Variants in ZNF484 observed in about 807,000 individuals in gnomAD.
ZNF484 encodes the protein zinc finger protein 484.
In ZNF484, 11 loss-of-function variants were observed where a neutral mutation model predicts 12.9. That is an observed-to-expected ratio of 0.85 (90% CI 0.54 to 1.41). The LOEUF is 1.41. ZNF484 is among the 40% of genes most tolerant of loss of function. ZNF484 has a pLI of 0.00. For synonymous variants in ZNF484, 289 were observed against 334.1 expected (o/e 0.86, Z 1.47); for missense variants, 807 against 1,007.7 (o/e 0.80, Z 2.70).
chr9:92,854,666 G>A (rs1564104756), intron 4 of ZNF484, among the ~76,000 whole-genome samples: 1 of 152,140 alleles, frequency 6.6e-6, no homozygotes, highest in East Asian at 1.9e-4. Context: ...GCAGTGAGCT[G>A]AGATCATGCC....
intron 2 of ZNF484, among the ~76,000 whole-genome samples, chr9:92,869,898 A>G (rs1443310722): frequency 6.6e-6 from 1 of 152,258 alleles, no homozygotes; most frequent in East Asian, 1.9e-4. Context: ...TAAAACTTTC[A>G]TGACATTCAA....
intron 2 of ZNF484, among the ~76,000 whole-genome samples, chr9:92,867,002 G>T (rs1388004431): frequency 2.0e-5 from 3 of 152,138 alleles, no homozygotes; most frequent in African/African-American, 4.8e-5. Context: ...GGGGTGGGGG[G>T]ATAAGGGGAG....
At position 92,847,842 on chromosome 9, in the gene ZNF484, C is replaced by T; in HGVS notation, c.945G>A (p.Lys315=). The T allele has an allele frequency of 6.2e-7, 1 of 1,614,142 alleles. No individual in the cohort carries two copies. Among genetic ancestry groups the T allele is most frequent in the Non-Finnish European group, 8.5e-7 (1 of 1,180,020 alleles). ...CTEYEKDFSL[K]SNRQKTPYEG... ...CATAAGGAGTTTTCTGACGGTTTGA[C>T]TTGAGGGAAAAATCCTTCTCATATT... Residue 315 remains lysine, a synonymous_variant, in exon 5 of 5, where the codon AAG becomes AAA. Transcript: ENST00000375495.
Position 92,859,922 on chromosome 9 carries a change from CACTT to C in ZNF484, c.16-3608_16-3605del, listed in dbSNP as rs145070943. 3.3e-3 allele frequency among the ~76,000 whole-genome samples: 497 copies of C among 152,310 alleles called. 1 individual carries two copies. Among genetic ancestry groups the C allele is most frequent in the African/African-American group, 0.011 (466 of 41,574 alleles). ...TCTCCCAGTGGAGTCATATGGACAG[CACTT>C]ACTTCTCCCAGCAATGATGTGTGAT... On this transcript the variant is annotated intron_variant, in intron 2 of 4. Coordinates refer to ENST00000375495, the MANE Select transcript of ZNF484 (RefSeq NM_031486.4).
rs569509325 is a variant in ZNF484 at position 92,856,161 on chromosome 9, C to T, written c.142+31G>A. 4.4e-6 allele frequency: 7 copies of T among 1,608,460 alleles called. No homozygotes were observed. In the Admixed American group the frequency reaches 8.6e-5, roughly 20 times the overall value. ...GAAAAATATACTCAATTAGGTGCAG[C>T]CTACTCTATACCCAGCAGAGCCGTG... On this transcript the variant is annotated intron_variant, in intron 3 of 4. Transcript: ENST00000375495.
chr9:92,844,517 C>A lies in ZNF484; in HGVS notation c.*1711G>T, dbSNP rs1855481861. ...ATGGAAAAATTACACCTAGGCATAT[C>A]AATGTGCAACAGTTAAAAAACAAAG... On this transcript the variant is annotated 3_prime_UTR_variant, in exon 5 of 5. Transcript: ENST00000375495. Among the ~76,000 whole-genome samples the A allele has an allele frequency of 6.6e-6, 1 of 152,092 alleles. No individual in the cohort carries two copies. The highest frequency in any genetic ancestry group is 6.5e-5 in the Admixed American group (1 of 15,272).
chr9:92,864,383 G>C (rs146068278), intron 2 of ZNF484, among the ~76,000 whole-genome samples: 1 of 151,952 alleles, frequency 6.6e-6, no homozygotes, highest in African/African-American at 2.4e-5. Context: ...AGCAAATCTC[G>C]GGAACTATCA....
chr9:92,865,725 A>C (rs1857029448), intron 2 of ZNF484, among the ~76,000 whole-genome samples: 1 of 152,134 alleles, frequency 6.6e-6, no homozygotes, highest in South Asian at 2.1e-4. Context: ...TGCGCAACAT[A>C]GCAAGACGCC....
rs1296995064 is a variant in ZNF484, at chr9:92,846,753, A to G, written c.2034T>C (p.Gly678=). Residue 678 remains glycine (G), a synonymous_variant, in exon 5 of 5, where the codon GGT becomes GGC. Transcript: ENST00000375495. ...TATGGGATTGCTGATGTATATGGAG[A>G]CCTGACTTCCTAGTGAAGGCTTTCC... ...DCGKAFTRKS[G]LHIHQQSHTG... 6.2e-7 allele frequency: 1 copy of G among 1,613,190 alleles called. No homozygotes were observed. The highest frequency in any genetic ancestry group is 1.7e-5 in the Admixed American group (1 of 59,936).
intron 2 of ZNF484, 88 bp downstream of exon 2, chr9:92,874,927 C>T: frequency 7.9e-7 from 1 of 1,266,000 alleles, no homozygotes; most frequent in Non-Finnish European, 1.1e-6. Flanking sequence ...GTCTTGTCAT[C>T]TTACTATAGG....
chr9:92,870,104 T>C (rs1857341458), intron 2 of ZNF484, among the ~76,000 whole-genome samples: 2 of 152,142 alleles, frequency 1.3e-5, no homozygotes, highest in Admixed American at 1.3e-4. Flanking sequence ...ACCATAGACA[T>C]TATCCATCAA....
intron 1 of ZNF484, among the ~76,000 whole-genome samples, chr9:92,875,412 C>T (rs775438243): frequency 6.6e-6 from 1 of 152,206 alleles, no homozygotes; most frequent in Non-Finnish European, 1.5e-5. Context: ...CTCCTCACTA[C>T]CACTCTTCAA....
chr9:92,876,414 A>T (rs1297797066), intron 1 of ZNF484, among the ~76,000 whole-genome samples: 1 of 152,206 alleles, frequency 6.6e-6, no homozygotes, highest in African/African-American at 2.4e-5. Context: ...TTCTATCAAC[A>T]GAGACTATAA....
chr9:92,875,163 T>G (rs1587775221), intron 1 of ZNF484, 104 bp from the exon 2 acceptor site: 2 of 906,572 alleles, frequency 2.2e-6, no homozygotes, highest in East Asian at 5.4e-5. Context: ...ACTCAAAAAT[T>G]TATTTCTGGA....
intron 2 of ZNF484, among the ~76,000 whole-genome samples, chr9:92,861,680 G>A (rs756668810): frequency 3.3e-5 from 5 of 152,158 alleles, no homozygotes; most frequent in Non-Finnish European, 7.4e-5. Context: ...TTCAGCCTAA[G>A]GGACCCAGCG....
intron 1 of ZNF484, 80 bp downstream of exon 1, chr9:92,877,810 C>T (rs1857929387): frequency 1.3e-6 from 2 of 1,535,730 alleles, no homozygotes; most frequent in South Asian, 2.4e-5. Context: ...TGACCGACCC[C>T]ATCACTGACC....
intron 2 of ZNF484, among the ~76,000 whole-genome samples, chr9:92,866,593 AG>A (rs1463237309): frequency 6.6e-6 from 1 of 152,242 alleles, no homozygotes; most frequent in Non-Finnish European, 1.5e-5. Context: ...CAATTCCTCA[AG>A]GATCTAGAAC....
chr9:92,860,678 T>G (rs1234182075), intron 2 of ZNF484, among the ~76,000 whole-genome samples: 1 of 147,546 alleles, frequency 6.8e-6, no homozygotes, highest in Non-Finnish European at 1.5e-5. Flanking sequence ...CTACAAAAGA[T>G]GCATCCTTTG....
At chr9:92,871,487 A>G (rs940773210) in intron 2 of ZNF484, among the ~76,000 whole-genome samples, 1 of 152,190 alleles carries the variant, frequency 6.6e-6, no homozygotes, top group Non-Finnish European at 1.5e-5. Flanking sequence ...GAGAAAAAGA[A>G]GAGAAAGGGA....
Sources: gnomAD v4.1 joint callset for allele counts (sites outside exome capture counted in the v4.1 genomes callset) on GRCh38, gnomAD v4.1.1 for gene constraint, MANE v1.5 for transcripts, NCBI Gene and HGNC (gene_info 2026-07-23, HGNC 2026-07-21) for gene names.